The following AFF3 variants were observed in gnomAD, a reference collection of about 807,000 sequenced individuals.
AFF3 encodes AF4/FMR2 family member 3.
A neutral mutation model predicts 129.7 loss-of-function variants in AFF3; 32 were observed. The observed-to-expected ratio is 0.25, with a 90% confidence interval of 0.19 to 0.33. The LOEUF (loss-of-function observed/expected upper bound fraction) is 0.33, where lower values mean the gene tolerates loss of function less well. Ranked by LOEUF, AFF3 falls within the 10% of genes least tolerant of loss-of-function variation. AFF3 has a pLI of 1.00. For missense variants in AFF3, 1,373 were observed against 1,592.0 expected, an observed-to-expected ratio of 0.86 and a Z score of 2.34; for synonymous variants, 644 against 635.4, an observed-to-expected ratio of 1.01 and a Z score of -0.20.
At chr2:99,807,355 A>G (rs994502491) in intron 8 of AFF3, among the ~76,000 whole-genome samples, 1 of 152,098 alleles carries the variant, frequency 6.6e-6, no homozygotes, top group African/African-American at 2.4e-5. Context: ...AGGATCCTGG[A>G]CTCACCATGT....
At chr2:100,048,622 C>G (rs1686032052) in intron 4 of AFF3, among the ~76,000 whole-genome samples, 1 of 152,150 alleles carries the variant, frequency 6.6e-6, no homozygotes, top group South Asian at 2.1e-4. Context: ...GGTGATATTT[C>G]TACAGAGAGA....
chr2:99,999,081 T>G (rs1358526437), intron 7 of AFF3, among the ~76,000 whole-genome samples: 1 of 152,066 alleles, frequency 6.6e-6, no homozygotes, highest in Non-Finnish European at 1.5e-5. Context: ...GGGGAAGGAC[T>G]TCTGCTCATG....
intron 7 of AFF3, among the ~76,000 whole-genome samples, chr2:99,846,742 G>C (rs112212880): frequency 5.5e-4 from 84 of 152,308 alleles, no homozygotes; most frequent in African/African-American, 2.0e-3. Flanking sequence ...CGTATTTGAC[G>C]ATATTCTATT....
chr2:99,744,033 TC>T, intron 10 of AFF3, 70 bp downstream of exon 10: 1 of 1,332,244 alleles, frequency 7.5e-7, no homozygotes, highest in Non-Finnish European at 1.1e-6. Context: ...GTGCTCATCC[TC>T]CCTCCCCTTC....
chr2:99,776,090 G>A lies in AFF3; in HGVS notation c.922-23789C>T, dbSNP rs1373643871. ...AAAATGCATGACTATCTCTCAGGAG[G>A]AAACAAAGTGTGGGGAACTTTTAAA... is the stretch of plus-strand genomic sequence containing the variant. On this transcript the variant is annotated intron_variant, in intron 8 of 24. Transcript: ENST00000672756. Among the ~76,000 whole-genome samples the A allele has an allele frequency of 2.0e-5, 3 of 152,288 alleles. No individual in the cohort carries two copies. In the East Asian group the frequency reaches 5.8e-4, roughly 29 times the overall value.
At chr2:99,879,099 G>A (rs186254561) in intron 7 of AFF3, among the ~76,000 whole-genome samples, 26 of 152,270 alleles carry the variant, frequency 1.7e-4, no homozygotes, top group Non-Finnish European at 2.5e-4. Flanking sequence ...AAAAAATTCC[G>A]GAGCTGATCA....
intron 12 of AFF3, among the ~76,000 whole-genome samples, chr2:99,650,490 C>T (rs1685136966): frequency 6.6e-6 from 1 of 152,122 alleles, no homozygotes; most frequent in Admixed American, 6.6e-5. Flanking sequence ...AACCAGAAGG[C>T]AGAGGTTGCA....
intron 9 of AFF3, among the ~76,000 whole-genome samples, chr2:99,751,337 C>A (rs1254036360): frequency 6.6e-6 from 1 of 152,174 alleles, no homozygotes; most frequent in Non-Finnish European, 1.5e-5. Flanking sequence ...AACTGAGCCA[C>A]CTGCTTTGGC....
At chr2:99,941,960 C>T (rs539097004) in intron 7 of AFF3, among the ~76,000 whole-genome samples, 6 of 152,328 alleles carry the variant, frequency 3.9e-5, no homozygotes, top group Non-Finnish European at 8.8e-5. Context: ...AGGTCATTCA[C>T]AGACAACTGC....
intron 8 of AFF3, among the ~76,000 whole-genome samples, chr2:99,832,894 T>C (rs1443261150): frequency 2.0e-5 from 3 of 152,136 alleles, no homozygotes; most frequent in Non-Finnish European, 2.9e-5. Context: ...TCATCACTAA[T>C]GATGAAATCT....
chr2:100,116,578 T>C (rs1285136052), intron 2 of AFF3, among the ~76,000 whole-genome samples: 1 of 152,168 alleles, frequency 6.6e-6, no homozygotes, highest in Non-Finnish European at 1.5e-5. Context: ...AAGTCCAATA[T>C]TAATTGTTAT....
chr2:99,616,645 A>T (rs1481572565), intron 13 of AFF3, among the ~76,000 whole-genome samples: 3 of 152,006 alleles, frequency 2.0e-5, no homozygotes, highest in Non-Finnish European at 4.4e-5. Flanking sequence ...AGTCCCAGCT[A>T]CTCGGGAGGC....
rs556368657 is a variant in AFF3, at chr2:99,949,483, T to A, written c.873+57149A>T. Among the ~76,000 whole-genome samples the A allele has an allele frequency of 3.0e-4, 46 of 152,102 alleles. 1 individual carries two copies. The highest frequency in any genetic ancestry group is 1.1e-3 in the African/African-American group (45 of 41,494). On this transcript the variant is annotated intron_variant, in intron 7 of 24. Transcript: ENST00000672756. ...CCTTATTTCTATTATTATTACATTATAATATATAATGAAATAATTATACAA... is the reference window on the plus strand; with the variant it reads ...CCTTATTTCTATTATTATTACATTAAAATATATAATGAAATAATTATACAA...
intron 7 of AFF3, among the ~76,000 whole-genome samples, chr2:99,882,062 T>C (rs1692760901): frequency 6.6e-6 from 1 of 150,666 alleles, no homozygotes; most frequent in Admixed American, 6.6e-5. Context: ...CCTGTCTCTC[T>C]CTCTCTCTCT....
chr2:99,935,954 G>C (rs1005448750), intron 7 of AFF3, among the ~76,000 whole-genome samples: 1 of 152,096 alleles, frequency 6.6e-6, no homozygotes, highest in African/African-American at 2.4e-5. Context: ...TAAGTAACCC[G>C]GTTACTCGTC....
chr2:100,083,404 A>C (rs1346637843), intron 4 of AFF3, among the ~76,000 whole-genome samples: 1 of 152,162 alleles, frequency 6.6e-6, no homozygotes, highest in Non-Finnish European at 1.5e-5. Context: ...TATGACCTGG[A>C]CAGGTCACCG....
chr2:99,739,834 T>TA (rs1215314271), intron 10 of AFF3, among the ~76,000 whole-genome samples: 1 of 152,108 alleles, frequency 6.6e-6, no homozygotes, highest in Non-Finnish European at 1.5e-5. Flanking sequence ...TATTATACTT[T>TA]AAGTTTTAGG....
At chr2:99,649,140 G>C (rs779464850) in intron 13 of AFF3, among the ~76,000 whole-genome samples, 5 of 152,088 alleles carry the variant, frequency 3.3e-5, no homozygotes, top group Non-Finnish European at 7.3e-5. Flanking sequence ...CCAGGAGAAA[G>C]ACGCCAAAGC....
chr2:99,710,947 G>A (rs1004086019), intron 11 of AFF3, among the ~76,000 whole-genome samples: 5 of 152,080 alleles, frequency 3.3e-5, no homozygotes, highest in Non-Finnish European at 7.4e-5. Context: ...CCAGCTACTC[G>A]GAATGTCAGA....
Sources: allele counts gnomAD v4.1 joint callset (sites outside exome capture counted in the v4.1 genomes callset), GRCh38; gene constraint gnomAD v4.1.1; transcripts MANE v1.5; gene names NCBI Gene and HGNC (gene_info 2026-07-23, HGNC 2026-07-21).